RIPK3: variants seen among roughly 807,000 people sequenced by gnomAD.
RIPK3 encodes the protein receptor-interacting serine/threonine-protein kinase 3.
RIPK3 carries 51 observed loss-of-function variants against 51.6 expected under a neutral mutation model. That is an observed-to-expected ratio of 0.99 (90% CI 0.79 to 1.25). The LOEUF is 1.25. RIPK3 is among the 50% of genes most tolerant of loss of function. The pLI, the probability that RIPK3 is intolerant of heterozygous loss-of-function variation, is 0.00. For synonymous variants in RIPK3, 246 were observed against 257.7 expected, an observed-to-expected ratio of 0.95 and a Z score of 0.44; for missense variants, 654 against 650.4, an observed-to-expected ratio of 1.01 and a Z score of -0.06.
At chr14:24,337,835 C>G (rs539787075) in intron 6 of RIPK3, 38 bp downstream of exon 6, 3 of 1,613,130 alleles carry the variant, frequency 1.9e-6, no homozygotes, top group Non-Finnish European at 2.5e-6. Flanking sequence ...GCTGACAGAC[C>G]CAAGCTTATC....
chr14:24,337,981 A>G lies in RIPK3; in HGVS notation c.724T>C (p.Leu242=), dbSNP rs915911463. The change falls in exon 6 of 10, where the codon TTG becomes CTG. Residue 242 remains leucine (L), a synonymous_variant. Coordinates refer to ENST00000216274, the MANE Select transcript of RIPK3 (RefSeq NM_006871.4). ...GGCCCGGCTTGGGGCAGCTCAGCCA[A>G]TGAAGGCCGGTTCTGCCTGTTGCAC... The part of the protein sequence containing the change: ...AVCNRQNRPS[L]AELPQAGPET... 3.1e-6 allele frequency: 5 copies of G among 1,614,070 alleles called. No homozygotes were observed. The highest frequency in any genetic ancestry group is 2.7e-5 in the African/African-American group (2 of 74,932).
At position 24,338,733 on chromosome 14, in the gene RIPK3, C is replaced by G. The variant is rs554724781; in HGVS notation, c.472-166G>C. On this transcript the variant is annotated intron_variant, in intron 3 of 9. Transcript: ENST00000216274. Reference sequence around the variant, plus strand: ...TAGATCTAGGTGCCTTGTGGTAGGGCTAGGTCAAGGTCTGAGTCTCCAGGG... The same window carrying G: ...TAGATCTAGGTGCCTTGTGGTAGGGGTAGGTCAAGGTCTGAGTCTCCAGGG... 598 of 997,726 alleles carry G rather than the reference C, an allele frequency of 6.0e-4. 13 individuals carry two copies. The South Asian group carries it at 8.3e-3, about 14-fold the overall frequency. The allele number at this position is 997,726 out of a possible 1,614,324, so 61.8% of individuals were successfully genotyped here. A position where few individuals can be genotyped will look rare whatever the true frequency, so the allele number is the denominator to read the frequency against.
chr14:24,336,456 G>T, intron 9 of RIPK3, 61 bp from the exon 10 acceptor site: 1 of 1,577,960 alleles, frequency 6.3e-7, no homozygotes, highest in Non-Finnish European at 8.6e-7. Flanking sequence ...CAAGTTGGGG[G>T]TGGGTGGGGA....
intron 9 of RIPK3, 77 bp downstream of exon 9, chr14:24,336,808 G>T: frequency 7.8e-7 from 1 of 1,283,186 alleles, no homozygotes; most frequent in Non-Finnish European, 1.1e-6. Context: ...AAAGTACCCT[G>T]AATCTAGATA....
In RIPK3 at chr14:24,339,564, G is replaced by T. The variant is rs770953030; in HGVS notation, c.54C>A (p.Ile18=). ...PSGAPAPLVS[I]EELENQELVG... is the part of the protein sequence containing the mutation. Reference sequence around the variant, plus strand: ...CGAGCTCCTGGTTCTCCAGTTCCTCGATGGACACCAAGGGGGCGGGGGCAC... The same window carrying T: ...CGAGCTCCTGGTTCTCCAGTTCCTCTATGGACACCAAGGGGGCGGGGGCAC... The change falls in exon 2 of 10, where the codon ATC becomes ATA. Residue 18 remains isoleucine, a synonymous_variant. Transcript: ENST00000216274. The surrounding 1 kb of genome is among the most constrained non-coding windows in gnomAD (Gnocchi z 4.0). 1.2e-6 allele frequency: 2 copies of T among 1,614,180 alleles called. No homozygotes were observed. The highest frequency in any genetic ancestry group is 1.1e-5 in the South Asian group (1 of 91,086).
rs745578908 is a variant in RIPK3 at position 24,337,083 on chromosome 14, C to T, written c.1275+3G>A. ...GCATCCCCTAATCCTGTCAATGTCT[C>T]ACCTGATTCCCTCGGGGTCCAGGAC... On this transcript the variant is annotated splice_donor_region_variant and intron_variant, in intron 8 of 9. Transcript: ENST00000216274. The T allele has an allele frequency of 1.2e-6, 2 of 1,612,298 alleles. No homozygotes were observed. Among genetic ancestry groups the T allele is most frequent in the Admixed American group, 1.7e-5 (1 of 59,994 alleles).
chr14:24,338,489 C>A lies in RIPK3; in HGVS notation c.550G>T (p.Gly184Cys). The A allele has an allele frequency of 6.2e-7, 1 of 1,613,810 alleles. No individual in the cohort carries two copies. The highest frequency in any genetic ancestry group is 8.5e-7 in the Non-Finnish European group (1 of 1,179,774). The change falls in exon 4 of 10, where the codon GGC (glycine) becomes TGC (cysteine). Residue 184 changes from glycine to cysteine, a missense_variant. Gly to Cys is a radical substitution (Grantham distance 159, BLOSUM62 -3). Transcript: ENST00000216274. ...ACAAACAGTTCTGGGGCCAAGTAGC[C>A]CAGGGTGCCCCCTGGCTCCCCGGAC... ...TGSGEPGGTL[G>C]YLAPELFVNV... is the part of the protein sequence containing the mutation.
In RIPK3 at chr14:24,337,675, G is replaced by A. The variant is rs568424822; in HGVS notation, c.900+20C>T. On this transcript the variant is annotated intron_variant, in intron 7 of 9. Coordinates refer to ENST00000216274, the MANE Select transcript of RIPK3 (RefSeq NM_006871.4). ...GCCATCCCTGACCAGCTCCTGGGGA[G>A]GGGTGATGTTGGCACTCACCGTGGA... 21 of 1,583,412 alleles carry A rather than the reference G, an allele frequency of 1.3e-5. No homozygotes were observed. In the South Asian group the frequency reaches 1.9e-4, roughly 14 times the overall value.
rs748449238 is a variant in RIPK3 at position 24,336,287 on chromosome 14, G to A, written c.1445C>T (p.Ser482Leu). The A allele has an allele frequency of 8.7e-6, 14 of 1,613,914 alleles. No individual in the cohort carries two copies. Among genetic ancestry groups the A allele is most frequent in the Admixed American group, 6.7e-5 (4 of 60,006 alleles). Residue 482 changes from serine (S) to leucine (L), a missense_variant, in exon 10 of 10, where the codon TCG becomes TTG. By Grantham distance (145) the Ser-to-Leu change is moderately radical. Coordinates refer to ENST00000216274, the MANE Select transcript of RIPK3 (RefSeq NM_006871.4). ...TALPTWGLAPSGKGRGLQHPP... is the reference protein window; with the variant it reads ...TALPTWGLAPLGKGRGLQHPP... ...GTGCTGCAAGCCCCTCCCCTTGCCC[G>A]AAGGTGCCAAGCCCCATGTGGGCAA...
At position 24,339,656 on chromosome 14, in the gene RIPK3, G is replaced by T; in HGVS notation, c.21-59C>A. 6.2e-7 allele frequency: 1 copy of T among 1,606,842 alleles called. No individual in the cohort carries two copies. The highest frequency in any genetic ancestry group is 8.5e-7 in the Non-Finnish European group (1 of 1,175,062). On this transcript the variant is annotated intron_variant, in intron 1 of 9. Transcript: ENST00000216274. The surrounding 1 kb of genome is among the most constrained non-coding windows in gnomAD (Gnocchi z 4.0). ...GCCGTGCCTCAGCGCTGCTCCCCGC[G>T]CCCCTGTGACTCGGCGTTCTCACTG... is the stretch of plus-strand genomic sequence containing the variant.
chr14:24,336,330 T>C lies in RIPK3; in HGVS notation c.1402A>G (p.Met468Val). Residue 468 changes from methionine (M) to valine (V), a missense_variant, in exon 10 of 10, where the codon ATG becomes GTG. By Grantham distance (21) the Met-to-Val change is conservative. Coordinates refer to ENST00000216274, the MANE Select transcript of RIPK3 (RefSeq NM_006871.4). ...GTGGGCAAGGCAGTTGTCTGTTGCA[T>C]AGTCAAGTAGTTGTTGTCTCCAACT... is the stretch of plus-strand genomic sequence containing the variant. The part of the protein sequence containing the change: ...VQVGDNNYLT[M>V]QQTTALPTWG... 1 of 1,613,946 alleles carries C rather than the reference T, an allele frequency of 6.2e-7. No individual in the cohort carries two copies. The highest frequency in any genetic ancestry group is 1.1e-5 in the South Asian group (1 of 91,088).
At position 24,337,923 on chromosome 14, in the gene RIPK3, A is replaced by C. The variant is rs1446938607; in HGVS notation, c.782T>G (p.Leu261Arg). 1.2e-6 allele frequency: 2 copies of C among 1,614,156 alleles called. No homozygotes were observed. Among genetic ancestry groups the C allele is most frequent in the Admixed American group, 3.3e-5 (2 of 60,018 alleles). ...CTCACTGCTCCAGCAGAGCTGCATTAGCTCCTTCAGTCCTTCTAAGCCGGG... is the reference window on the plus strand; with the variant it reads ...CTCACTGCTCCAGCAGAGCTGCATTCGCTCCTTCAGTCCTTCTAAGCCGGG... The part of the protein sequence containing the change: ...ETPGLEGLKE[L>R]MQLCWSSEPK... Residue 261 changes from leucine to arginine, a missense_variant, in exon 6 of 10, where the codon CTA (leucine) becomes CGA (arginine). Transcript: ENST00000216274.
chr14:24,337,007 T>G, intron 8 of RIPK3, 62 bp from the exon 9 acceptor site: 1 of 1,606,282 alleles, frequency 6.2e-7, no homozygotes, highest in Non-Finnish European at 8.5e-7. Context: ...TGCACTCCTC[T>G]CAGCCCCAAG....
rs1372981410 is a variant in RIPK3, at chr14:24,339,725, A to G, written c.20+82T>C. The G allele has an allele frequency of 6.4e-7, 1 of 1,571,320 alleles. No homozygotes were observed. Among genetic ancestry groups the G allele is most frequent in the African/African-American group, 1.4e-5 (1 of 73,716 alleles). On this transcript the variant is annotated intron_variant, in intron 1 of 9. Coordinates refer to ENST00000216274, the MANE Select transcript of RIPK3 (RefSeq NM_006871.4). This position sits in a 1 kb window ranked among gnomAD's most constrained non-coding sequence, Gnocchi z 4.0. ...GCCGGCCCCCACCGTCCCCGGACTCAAAGACGTTCTCTGAGCGAGTCTGTG... is the reference window on the plus strand; with the variant it reads ...GCCGGCCCCCACCGTCCCCGGACTCGAAGACGTTCTCTGAGCGAGTCTGTG...
At chr14:24,338,928 G>T in intron 3 of RIPK3, 87 bp downstream of exon 3, 2 of 1,070,250 alleles carry the variant, frequency 1.9e-6, no homozygotes, top group Non-Finnish European at 2.9e-6. Context: ...CAATAGACAG[G>T]GCTCTGGAGG....
In RIPK3 at chr14:24,337,263, C is replaced by T. The variant is rs766666759; in HGVS notation, c.1098G>A (p.Pro366=). 1.8e-5 allele frequency: 29 copies of T among 1,613,896 alleles called. No individual in the cohort carries two copies. Among genetic ancestry groups the T allele is most frequent in the South Asian group, 1.6e-4 (15 of 91,084 alleles). ...GTGCCCTGCTCCTCTTGGTAAGGCT[C>T]GGGCATTTTTTAGGAACAGAGCTGG... ...EPPSSVPKKC[P]SLTKRSRAQE... is the part of the protein sequence containing the mutation. The change falls in exon 8 of 10, where the codon CCG becomes CCA. Residue 366 remains proline, a synonymous_variant. Coordinates refer to ENST00000216274, the MANE Select transcript of RIPK3 (RefSeq NM_006871.4).
chr14:24,336,222 C>T lies in RIPK3; in HGVS notation c.1510G>A (p.Glu504Lys), dbSNP rs2042132424. Residue 504 changes from glutamate (E) to lysine (K), a missense_variant, in exon 10 of 10, where the codon GAA becomes AAA. Physicochemically the swap from Glu to Lys is moderately conservative, Grantham distance 56. Transcript: ENST00000216274. ...CAACCCTGTGGCCTGCTCCAGGCTT[C>T]AGGATCTTTAGGGCCTTCTTGCGAA... ...VGSQEGPKDP[E>K]AWSRPQGWYN... 6.2e-7 allele frequency: 1 copy of T among 1,613,954 alleles called. No individual in the cohort carries two copies. The highest frequency in any genetic ancestry group is 8.5e-7 in the Non-Finnish European group (1 of 1,180,018).
At chr14:24,338,902 A>G in intron 3 of RIPK3, 113 bp downstream of exon 3, 1 of 876,624 alleles carries the variant, frequency 1.1e-6, no homozygotes, top group Non-Finnish European at 1.8e-6. Context: ...GTCCAGAGAG[A>G]GAGGCTACGC....
intron 9 of RIPK3, 45 bp downstream of exon 9, chr14:24,336,840 G>C: frequency 6.5e-7 from 1 of 1,530,172 alleles, no homozygotes; most frequent in Non-Finnish European, 9.1e-7. Flanking sequence ...GAGGAGTCTG[G>C]TGGAAGAATT....
Sources: allele counts gnomAD v4.1 joint callset, GRCh38; gene constraint gnomAD v4.1.1; non-coding constraint Gnocchi (gnomAD v3.1); transcripts MANE v1.5; gene names NCBI Gene and HGNC (gene_info 2026-07-23, HGNC 2026-07-21).